Variants in B3GALT1 observed in about 807,000 individuals in gnomAD.
B3GALT1 encodes the protein beta-1,3-galactosyltransferase 1.
A neutral mutation model predicts 23.2 loss-of-function variants in B3GALT1; 10 were observed. The observed-to-expected ratio is 0.43, with a 90% CI of 0.27 to 0.73. B3GALT1 has a LOEUF of 0.73. Ranked by LOEUF, B3GALT1 falls within the 30% of genes least tolerant of loss-of-function variation. The pLI is 0.21. For synonymous variants in B3GALT1, 156 were observed against 141.5 expected (o/e 1.10, Z -0.73); for missense variants, 299 against 405.4 (o/e 0.74, Z 2.25).
At chr2:167,855,095 C>A (rs985622294) in intron 4 of B3GALT1, among the ~76,000 whole-genome samples, 1 of 152,122 alleles carries the variant, frequency 6.6e-6, no homozygotes, top group Admixed American at 6.6e-5. Context: ...GTGCAGTTTT[C>A]ATTTAAAAAT....
At chr2:167,607,536 C>A (rs1684987170) in intron 2 of B3GALT1, among the ~76,000 whole-genome samples, 1 of 149,420 alleles carries the variant, frequency 6.7e-6, no homozygotes, top group Non-Finnish European at 1.5e-5. Context: ...TGTGTGTGTG[C>A]ACAGGTGCAC....
intron 3 of B3GALT1, among the ~76,000 whole-genome samples, chr2:167,761,190 A>G (rs1341412929): frequency 6.6e-6 from 1 of 152,192 alleles, no homozygotes; most frequent in Non-Finnish European, 1.5e-5. Context: ...AATAAAAACA[A>G]GTCCAAGTTT....
intron 2 of B3GALT1, among the ~76,000 whole-genome samples, chr2:167,539,342 C>A (rs1356476282): frequency 6.6e-6 from 1 of 152,002 alleles, no homozygotes; most frequent in South Asian, 2.1e-4. Context: ...AAAAATGACA[C>A]CTCCAAGGAC....
Position 167,872,672 on chromosome 2 carries a change from TTA to T in B3GALT1, c.*2656_*2657del, listed in dbSNP as rs1690376119. On this transcript the variant is annotated 3_prime_UTR_variant, in exon 5 of 5. Coordinates refer to ENST00000392690, the MANE Select transcript of B3GALT1 (RefSeq NM_020981.4). The stretch of plus-strand genomic sequence containing the variant: ...CATATATGTACACCTATGAATCGTT[TTA>T]TATGTGTGTGCATACATTATGATAC... 6.6e-6 allele frequency: 1 copy of T among 152,224 alleles called. No individual in the cohort carries two copies. Among genetic ancestry groups the T allele is most frequent in the African/African-American group, 2.4e-5 (1 of 41,464 alleles). 9.4% of individuals were successfully genotyped at this position (152,224 alleles called of 1,614,324 possible).
At chr2:167,736,271 GA>G (rs1180588784) in intron 3 of B3GALT1, among the ~76,000 whole-genome samples, 2 of 150,434 alleles carry the variant, frequency 1.3e-5, no homozygotes, top group African/African-American at 2.5e-5. Flanking sequence ...TGTCTGTAAT[GA>G]TATTATAATA....
chr2:167,306,143 T>A (rs1449791783), intron 1 of B3GALT1, among the ~76,000 whole-genome samples: 9 of 152,070 alleles, frequency 5.9e-5, no homozygotes, highest in African/African-American at 2.2e-4. Context: ...TTTGAAGATG[T>A]TGATGAATGT....
At chr2:167,708,633 C>T (rs1687003542) in intron 3 of B3GALT1, among the ~76,000 whole-genome samples, 1 of 152,156 alleles carries the variant, frequency 6.6e-6, no homozygotes, top group Non-Finnish European at 1.5e-5. Flanking sequence ...TGCACTCCAG[C>T]CTGGGCAACA....
chr2:167,299,763 A>T (rs1696415910), intron 1 of B3GALT1, among the ~76,000 whole-genome samples: 1 of 151,904 alleles, frequency 6.6e-6, no homozygotes, highest in Non-Finnish European at 1.5e-5. Context: ...AGCTAAAAAT[A>T]GTCATTTTTT....
intron 4 of B3GALT1, among the ~76,000 whole-genome samples, chr2:167,849,478 G>A (rs1292919231): frequency 1.3e-5 from 2 of 152,102 alleles, no homozygotes; most frequent in African/African-American, 4.8e-5. Flanking sequence ...TATGAAGTGA[G>A]GAAAGGACAC....
chr2:167,830,854 G>A (rs1364872007), intron 4 of B3GALT1, among the ~76,000 whole-genome samples: 6 of 152,212 alleles, frequency 3.9e-5, no homozygotes, highest in East Asian at 3.8e-4. Flanking sequence ...AAGCAGCAGC[G>A]TGAGGTGTTG....
At chr2:167,424,515 C>T (rs1185252210) in intron 1 of B3GALT1, among the ~76,000 whole-genome samples, 1 of 151,716 alleles carries the variant, frequency 6.6e-6, no homozygotes, top group Non-Finnish European at 1.5e-5. Context: ...TTTTTTTTCC[C>T]ACCTTGAAAC....
chr2:167,343,937 C>T lies in B3GALT1; in HGVS notation c.-511+50603C>T, dbSNP rs1000243170. 3.3e-5 allele frequency among the ~76,000 whole-genome samples: 5 copies of T among 152,144 alleles called. No homozygotes were observed. In the East Asian group the frequency reaches 9.6e-4, roughly 29 times the overall value. ...TTGCCCACATACACTCTGATTTGTA[C>T]TCACATAGCATTGGCTAAAGCTGGA... On this transcript the variant is annotated intron_variant, in intron 1 of 4. Transcript: ENST00000392690.
At chr2:167,400,125 T>A (rs941244344) in intron 1 of B3GALT1, among the ~76,000 whole-genome samples, 5 of 151,692 alleles carry the variant, frequency 3.3e-5, no homozygotes, top group Admixed American at 6.6e-5. Flanking sequence ...TCTGTAAGAT[T>A]TTCTCTTTCT....
At chr2:167,654,450 G>T (rs772195544) in intron 3 of B3GALT1, among the ~76,000 whole-genome samples, 2 of 152,048 alleles carry the variant, frequency 1.3e-5, no homozygotes, top group Admixed American at 6.6e-5. Context: ...GAAAGTCTGC[G>T]TCAGAATGTT....
intron 3 of B3GALT1, among the ~76,000 whole-genome samples, chr2:167,785,842 G>A (rs1301661351): frequency 6.6e-6 from 1 of 152,192 alleles, no homozygotes; most frequent in Non-Finnish European, 1.5e-5. Flanking sequence ...TGTTCGTGAA[G>A]TCCTATGAGA....
intron 2 of B3GALT1, among the ~76,000 whole-genome samples, chr2:167,515,296 C>T (rs1329314540): frequency 6.6e-6 from 1 of 152,244 alleles, no homozygotes; most frequent in Middle Eastern, 3.4e-3. Flanking sequence ...CACATATCTA[C>T]TTCAAGTGTT....
At chr2:167,421,720 T>A (rs985628691) in intron 1 of B3GALT1, among the ~76,000 whole-genome samples, 19 of 152,180 alleles carry the variant, frequency 1.2e-4, no homozygotes, top group Admixed American at 9.8e-4. Flanking sequence ...AAATTGCATA[T>A]GCAGTTCTTC....
chr2:167,708,948 C>A (rs942022953), intron 3 of B3GALT1, among the ~76,000 whole-genome samples: 2 of 152,196 alleles, frequency 1.3e-5, no homozygotes, highest in Non-Finnish European at 2.9e-5. Flanking sequence ...TATTTTTTCT[C>A]CTCCACTTGG....
chr2:167,301,618 T>C (rs1679260936), intron 1 of B3GALT1, among the ~76,000 whole-genome samples: 1 of 152,208 alleles, frequency 6.6e-6, no homozygotes, highest in Non-Finnish European at 1.5e-5. Flanking sequence ...TGGCACACTC[T>C]CAGCTCACTG....
Sources: allele counts gnomAD v4.1 joint callset (sites outside exome capture counted in the v4.1 genomes callset), GRCh38; gene constraint gnomAD v4.1.1; transcripts MANE v1.5; gene names NCBI Gene and HGNC (gene_info 2026-07-23, HGNC 2026-07-21).